ZNF536: variants seen among roughly 807,000 people sequenced by gnomAD.
ZNF536 encodes the protein zinc finger protein 536.
In ZNF536, 13 loss-of-function variants were observed where a neutral mutation model predicts 84.5. The observed-to-expected ratio is 0.15, with a 90% CI of 0.10 to 0.24. The LOEUF (loss-of-function observed/expected upper bound fraction) is 0.24, where lower values mean the gene tolerates loss of function less well. Among genes scored for constraint, ZNF536 ranks in the 10% least tolerant of loss-of-function variants. ZNF536 has a pLI of 1.00. For synonymous variants in ZNF536, 811 were observed against 742.5 expected, an observed-to-expected ratio of 1.09 and a Z score of -1.50; for missense variants, 1,536 against 1,747.5, an observed-to-expected ratio of 0.88 and a Z score of 2.16.
chr19:30,548,817 C>T lies in ZNF536; in HGVS notation c.3198C>T (p.Ser1066=), dbSNP rs1482899656. The change falls in exon 4 of 5, where the codon TCC becomes TCT. Residue 1066 remains serine (S), a synonymous_variant. Coordinates refer to ENST00000355537, the MANE Select transcript of ZNF536 (RefSeq NM_014717.3). Reference sequence around the variant, plus strand: ...AATCAAACAAAGACCTGGGCCTCTCCAATATGATCAGCTCTCTAGACTCTG... The same window carrying T: ...AATCAAACAAAGACCTGGGCCTCTCTAATATGATCAGCTCTCTAGACTCTG... The part of the protein sequence containing the change: ...SLQSNKDLGL[S]NMISSLDSAS... The T allele has an allele frequency of 6.2e-7, 1 of 1,613,930 alleles. No individual in the cohort carries two copies. The highest frequency in any genetic ancestry group is 1.3e-5 in the African/African-American group (1 of 74,936).
intron 3 of ZNF536, among the ~76,000 whole-genome samples, chr19:30,361,382 T>A (rs1356999039): frequency 1.3e-5 from 2 of 152,096 alleles, no homozygotes; most frequent in East Asian, 3.8e-4. Context: ...TTAAGCCTTC[T>A]TTTTTTCACT....
intron 2 of ZNF536, among the ~76,000 whole-genome samples, chr19:30,480,056 C>G (rs903827821): frequency 6.6e-6 from 1 of 152,194 alleles, no homozygotes; most frequent in Non-Finnish European, 1.5e-5. Context: ...GTCTCAGGAT[C>G]GATTGTCCAT....
At chr19:30,582,375 CTTTTTTTTTTTTTT>C in intron 1 of ZNF536, among the ~76,000 whole-genome samples, 1 of 89,166 alleles carries the variant, frequency 1.1e-5, no homozygotes, top group Non-Finnish European at 2.2e-5. Context: ...CCTAGTTTCT[CTTTTTTTTTTTTTT>C]TTTTTTTTTT....
At chr19:30,640,228 CAGAGTG>C (rs10612251) in intron 1 of ZNF536, among the ~76,000 whole-genome samples, 142,418 of 151,626 alleles carry the variant, frequency 0.94, 67,274 homozygotes, top group Non-Finnish European at 0.99. Flanking sequence ...GCCTGGGCAA[CAGAGTG>C]AGAGTGAGAC....
Position 30,569,559 on chromosome 19 carries a change from CTTTT to C in ZNF536, c.169+20072_169+20075del, listed in dbSNP as rs34995610. 4.0e-4 allele frequency among the ~76,000 whole-genome samples: 22 copies of C among 55,076 alleles called. No individual in the cohort carries two copies. The East Asian group carries it at 0.012, about 30-fold the overall frequency. The allele number at this position is 55,076 out of a possible 152,430, so 36.1% of individuals were successfully genotyped here. A position where few individuals can be genotyped will look rare whatever the true frequency, so the allele number is the denominator to read the frequency against. On this transcript the variant is annotated intron_variant, in intron 1 of 1. Transcript: ENST00000592773. ...ATGGAATCGAAGCCAGATAAACGTT[CTTTT>C]TTTTTTTTTTTTTTTTTTTTTTTTT... is the stretch of plus-strand genomic sequence containing the variant.
intron 1 of ZNF536, among the ~76,000 whole-genome samples, chr19:30,634,583 G>A (rs2048999596): frequency 1.3e-5 from 2 of 152,072 alleles, no homozygotes; most frequent in Non-Finnish European, 2.9e-5. Flanking sequence ...CTGACAGCCG[G>A]CATAATCGAA....
chr19:30,620,986 G>C (rs1045891213), intron 1 of ZNF536, among the ~76,000 whole-genome samples: 1 of 152,076 alleles, frequency 6.6e-6, no homozygotes, highest in East Asian at 1.9e-4. Flanking sequence ...CAAAAGGAAG[G>C]GGCTTCTAAT....
chr19:30,368,536 C>G (rs957956326), upstream of ZNF536, among the ~76,000 whole-genome samples: 7 of 152,246 alleles, frequency 4.6e-5, no homozygotes, highest in Non-Finnish European at 7.3e-5. Flanking sequence ...AGAAGGCACC[C>G]TGGTGGCTGT....
chr19:30,452,949 A>G (rs893215533), intron 2 of ZNF536, among the ~76,000 whole-genome samples: 14 of 139,810 alleles, frequency 1.0e-4, no homozygotes, highest in Admixed American at 1.4e-4. Flanking sequence ...AATGCAGAGG[A>G]AAGGGGCTCT....
chr19:30,442,329 A>G (rs1204509500), intron 1 of ZNF536, among the ~76,000 whole-genome samples: 2 of 152,244 alleles, frequency 1.3e-5, no homozygotes, highest in Admixed American at 6.5e-5. Flanking sequence ...ACTATTAAAG[A>G]CAATTATGCA....
chr19:30,511,782 G>A lies in ZNF536; in HGVS notation c.2171-23065G>A, dbSNP rs958863697. Among the ~76,000 whole-genome samples, 10 of 152,282 alleles carry A rather than the reference G, an allele frequency of 6.6e-5. No homozygotes were observed. The East Asian group carries it at 7.7e-4, about 12-fold the overall frequency. ...GGGGTGGCTCAGAGCTTACATGGGT[G>A]GGGTAAAATGCAAGGAGACCGTATG... On this transcript the variant is annotated intron_variant, in intron 2 of 4. Transcript: ENST00000355537.
intron 2 of ZNF536, among the ~76,000 whole-genome samples, chr19:30,502,174 C>T (rs2054978076): frequency 6.6e-6 from 1 of 152,144 alleles, no homozygotes; most frequent in South Asian, 2.1e-4. Flanking sequence ...TATGTCTACT[C>T]CAGGGAGAAC....
At chr19:30,508,645 A>G (rs1245252294) in intron 2 of ZNF536, among the ~76,000 whole-genome samples, 3 of 151,960 alleles carry the variant, frequency 2.0e-5, no homozygotes, top group Non-Finnish European at 1.5e-5. Flanking sequence ...CAGAGCACCT[A>G]GGTGCCCTAG....
intron 1 of ZNF536, among the ~76,000 whole-genome samples, chr19:30,409,873 T>C (rs960523262): frequency 2.2e-4 from 34 of 152,348 alleles, no homozygotes; most frequent in African/African-American, 7.2e-4. Flanking sequence ...TCTATATAGA[T>C]GTAAAGATAC....
At chr19:30,623,040 G>GTTTTTT (rs778168856) in intron 1 of ZNF536, among the ~76,000 whole-genome samples, 3 of 99,280 alleles carry the variant, frequency 3.0e-5, no homozygotes, top group African/African-American at 3.7e-5. Context: ...TTGTTTTTTT[G>GTTTTTT]TTTTTTTGTT....
chr19:30,488,914 T>C (rs1036199862), intron 2 of ZNF536, among the ~76,000 whole-genome samples: 1 of 152,224 alleles, frequency 6.6e-6, no homozygotes, highest in African/African-American at 2.4e-5. Flanking sequence ...TGTTCCTCAT[T>C]TTGTGCATGA....
At chr19:30,493,607 G>A (rs1861854558) in intron 2 of ZNF536, among the ~76,000 whole-genome samples, 2 of 152,050 alleles carry the variant, frequency 1.3e-5, no homozygotes, top group African/African-American at 2.4e-5. Flanking sequence ...CCCATCACTC[G>A]GGGCATTTGT....
At chr19:30,645,521 G>A (rs767309822) in intron 1 of ZNF536, among the ~76,000 whole-genome samples, 1 of 152,174 alleles carries the variant, frequency 6.6e-6, no homozygotes, top group Non-Finnish European at 1.5e-5. Flanking sequence ...TATTAATGAG[G>A]AGGACATGTA....
chr19:30,474,934 C>T (rs1364234074), intron 2 of ZNF536, among the ~76,000 whole-genome samples: 1 of 147,318 alleles, frequency 6.8e-6, no homozygotes, highest in Non-Finnish European at 1.5e-5. Context: ...TCCCCCCTTT[C>T]CTCTCTCCTA....
Sources: allele counts gnomAD v4.1 joint callset (sites outside exome capture counted in the v4.1 genomes callset), GRCh38; gene constraint gnomAD v4.1.1; transcripts MANE v1.5; gene names NCBI Gene and HGNC (gene_info 2026-07-23, HGNC 2026-07-21).